Variants in SRBD1 observed in about 807,000 individuals in gnomAD.
SRBD1 encodes the protein S1 RNA binding domain 1.
A neutral mutation model predicts 115.3 loss-of-function variants in SRBD1; 88 were observed. The observed-to-expected ratio is 0.76, with a 90% confidence interval of 0.64 to 0.91. The LOEUF is 0.91. Ranked by LOEUF, SRBD1 falls within the 40% of genes least tolerant of loss-of-function variation. SRBD1 has a pLI of 0.00. For missense variants in SRBD1, 1,385 were observed against 1,177.4 expected (o/e 1.18, Z -2.58); for synonymous variants, 509 against 407.7 (o/e 1.25, Z -2.99).
At chr2:45,583,389 T>A (rs1572806190) in intron 5 of SRBD1, among the ~76,000 whole-genome samples, 1 of 152,202 alleles carries the variant, frequency 6.6e-6, no homozygotes, top group African/African-American at 2.4e-5. Flanking sequence ...CAATTCCTTT[T>A]GTCCTATTAG....
At chr2:45,390,073 A>T (rs1666956373) in intron 20 of SRBD1, among the ~76,000 whole-genome samples, 1 of 152,202 alleles carries the variant, frequency 6.6e-6, no homozygotes, top group Non-Finnish European at 1.5e-5. Context: ...AATGTGGATG[A>T]AATTCAAATG....
intron 9 of SRBD1, among the ~76,000 whole-genome samples, chr2:45,562,988 C>T (rs1272840138): frequency 2.0e-5 from 3 of 152,122 alleles, no homozygotes; most frequent in Non-Finnish European, 4.4e-5. Flanking sequence ...AACACATTTA[C>T]AAGAAGAGAC....
At chr2:45,509,988 G>A (rs1001415734) in intron 14 of SRBD1, among the ~76,000 whole-genome samples, 1 of 152,142 alleles carries the variant, frequency 6.6e-6, no homozygotes, top group African/African-American at 2.4e-5. Flanking sequence ...TCTCACCTTG[G>A]CCTCCCAAAA....
At chr2:45,510,725 A>T (rs757785968) in intron 14 of SRBD1, among the ~76,000 whole-genome samples, 85 of 152,242 alleles carry the variant, frequency 5.6e-4, no homozygotes, top group Non-Finnish European at 5.0e-4. Context: ...GTCCCTAAGG[A>T]TTCTAGCTCA....
At chr2:45,607,368 C>T (rs1674306301) in intron 1 of SRBD1, among the ~76,000 whole-genome samples, 1 of 152,102 alleles carries the variant, frequency 6.6e-6, no homozygotes, top group South Asian at 2.1e-4. Flanking sequence ...TAATTCCTAC[C>T]TCCACACCAT....
intron 11 of SRBD1, among the ~76,000 whole-genome samples, chr2:45,551,791 G>T (rs989586041): frequency 6.6e-6 from 1 of 152,180 alleles, no homozygotes; most frequent in African/African-American, 2.4e-5. Context: ...GGTCATGCAT[G>T]TTCTTCTCAA....
intron 19 of SRBD1, among the ~76,000 whole-genome samples, chr2:45,408,075 G>C (rs1667488417): frequency 6.6e-6 from 1 of 152,120 alleles, no homozygotes; most frequent in Non-Finnish European, 1.5e-5. Flanking sequence ...TGACATTAAA[G>C]CCATTTATTT....
intron 14 of SRBD1, among the ~76,000 whole-genome samples, chr2:45,534,461 T>C (rs1012519946): frequency 2.6e-5 from 4 of 151,938 alleles, no homozygotes; most frequent in Admixed American, 2.6e-4. Context: ...CAGTACATCA[T>C]CTCAAGCCAT....
At chr2:45,605,256 T>A (rs956416923) in intron 2 of SRBD1, 106 bp downstream of exon 2, 3 of 1,125,550 alleles carry the variant, frequency 2.7e-6, no homozygotes, top group Non-Finnish European at 3.8e-6. Flanking sequence ...ATAAAAAAAG[T>A]TTTTTCTACC....
intron 14 of SRBD1, among the ~76,000 whole-genome samples, chr2:45,497,589 A>G (rs1348164336): frequency 6.6e-6 from 1 of 152,162 alleles, no homozygotes; most frequent in African/African-American, 2.4e-5. Flanking sequence ...GGTGAATCAG[A>G]TACTTCTGGT....
At chr2:45,597,891 T>C (rs1417028305) in intron 4 of SRBD1, among the ~76,000 whole-genome samples, 2 of 152,216 alleles carry the variant, frequency 1.3e-5, no homozygotes, top group African/African-American at 4.8e-5. Context: ...TTACTACGAA[T>C]AACTTATTAC....
intron 14 of SRBD1, among the ~76,000 whole-genome samples, chr2:45,545,139 G>C (rs148960467): frequency 0.017 from 2,614 of 151,906 alleles, 78 homozygotes; most frequent in African/African-American, 0.06. Flanking sequence ...AATTAGCCGG[G>C]TGTGGTGGCG....
chr2:45,421,506 CAAACAAAAAAAAAAAA>C lies in SRBD1; in HGVS notation c.2050-1628_2050-1613del, dbSNP rs1553328065. ...TGGGTGACGGTGTGAGACTCCGTCTCAAACAAAAAAAAAAAAAAAAAAAAAAAAAAAAAAAAAAAGT... is the reference window on the plus strand; with the variant it reads ...TGGGTGACGGTGTGAGACTCCGTCTCAAAAAAAAAAAAAAAAAAAAAAAGT... On this transcript the variant is annotated intron_variant, in intron 16 of 20. Coordinates refer to ENST00000263736, the MANE Select transcript of SRBD1 (RefSeq NM_018079.5). Among the ~76,000 whole-genome samples the C allele has an allele frequency of 8.5e-4, 41 of 48,084 alleles. 1 individual carries two copies. Among genetic ancestry groups the C allele is most frequent in the South Asian group, 6.7e-3 (7 of 1,048 alleles). The allele number at this position is 48,084 out of a possible 152,430, so 31.5% of individuals were successfully genotyped here.
At chr2:45,458,501 A>G (rs1204275000) in intron 16 of SRBD1, among the ~76,000 whole-genome samples, 1 of 152,184 alleles carries the variant, frequency 6.6e-6, no homozygotes, top group East Asian at 1.9e-4. Context: ...AGAAGACTGA[A>G]ACATCATCTT....
intron 14 of SRBD1, among the ~76,000 whole-genome samples, chr2:45,512,460 G>C (rs983408893): frequency 1.3e-5 from 2 of 152,082 alleles, no homozygotes; most frequent in African/African-American, 4.8e-5. Flanking sequence ...ATACTAAATT[G>C]TACTTATCTG....
At chr2:45,583,867 A>C (rs1673438694) in intron 5 of SRBD1, among the ~76,000 whole-genome samples, 1 of 152,206 alleles carries the variant, frequency 6.6e-6, no homozygotes, top group African/African-American at 2.4e-5. Flanking sequence ...GTATTCCCCT[A>C]TTCATAGAAA....
intron 7 of SRBD1, among the ~76,000 whole-genome samples, chr2:45,575,852 C>T (rs1201961985): frequency 6.6e-6 from 1 of 152,104 alleles, no homozygotes; most frequent in Non-Finnish European, 1.5e-5. Flanking sequence ...TACAGGCACA[C>T]ACCACCACAC....
rs1553356649 is a variant in SRBD1 at position 45,571,537 on chromosome 2, A to AAAAAC, written c.1305+1669_1305+1670insGTTTT. 6.3e-5 allele frequency among the ~76,000 whole-genome samples: 9 copies of AAAAAC among 143,884 alleles called. No homozygotes were observed. The East Asian group carries it at 6.7e-4, about 11-fold the overall frequency. The allele number at this position is 143,884 out of a possible 152,430, so 94.4% of individuals were successfully genotyped here. A position where few individuals can be genotyped will look rare whatever the true frequency, so the allele number is the denominator to read the frequency against. On this transcript the variant is annotated intron_variant, in intron 9 of 20. Transcript: ENST00000263736. ...TTTACCAAAAAAAAAAAAAAAAAAAAAAAAACTGTCCATGAGGAAGCTTAG... is the reference window on the plus strand; with the variant it reads ...TTTACCAAAAAAAAAAAAAAAAAAAAAAAACAAAAACTGTCCATGAGGAAGCTTAG...
intron 14 of SRBD1, among the ~76,000 whole-genome samples, chr2:45,543,280 T>C (rs887375652): frequency 6.6e-6 from 1 of 152,150 alleles, no homozygotes; most frequent in African/African-American, 2.4e-5. Context: ...CCCCCTAATA[T>C]GTGTAAGTAT....
Sources: gnomAD v4.1 joint callset for allele counts (sites outside exome capture counted in the v4.1 genomes callset) on GRCh38, gnomAD v4.1.1 for gene constraint, MANE v1.5 for transcripts, NCBI Gene and HGNC (gene_info 2026-07-23, HGNC 2026-07-21) for gene names.